AHRR: variants seen among roughly 807,000 people sequenced by gnomAD.
AHRR encodes ahR repressor.
A neutral mutation model predicts 44.0 loss-of-function variants in AHRR; 28 were observed. The ratio of observed to expected loss-of-function variants is 0.64; its 90% CI spans 0.47 to 0.87. AHRR has a LOEUF of 0.87. AHRR is among the 40% of genes least tolerant of loss of function. AHRR has a pLI of 0.00. For missense variants in AHRR, 990 were observed against 953.9 expected, an observed-to-expected ratio of 1.04 and a Z score of -0.50; for synonymous variants, 434 against 407.0, an observed-to-expected ratio of 1.07 and a Z score of -0.80.
Position 435,221 on chromosome 5 carries a change from G to T in AHRR, c.*387G>T. On this transcript the variant is annotated 3_prime_UTR_variant, in exon 11 of 11. Transcript: ENST00000684583. ...GTGATGCTCCCAAGTCCGCAGTCGG[G>T]GATGAAGCGGTCGGGTGATGCTCCC... The T allele has an allele frequency of 4.6e-6, 1 of 215,956 alleles. No individual in the cohort carries two copies. 13.4% of individuals were successfully genotyped at this position (215,956 alleles called of 1,614,324 possible). A position where few individuals can be genotyped will look rare whatever the true frequency, so the allele number is the denominator to read the frequency against.
At chr5:343,563 C>T (rs1187081598) in intron 1 of AHRR, 5 of 353,168 alleles carry the variant, frequency 1.4e-5, no homozygotes, top group Non-Finnish European at 2.6e-5. Context: ...TTCCTGGCTT[C>T]CTCGATGGCT....
In AHRR at chr5:383,477, T is replaced by C. The variant is rs562399959; in HGVS notation, c.351+6761T>C. On this transcript the variant is annotated intron_variant, in intron 4 of 10. Coordinates refer to ENST00000684583, the MANE Select transcript of AHRR (RefSeq NM_001377236.1). This position sits in a 1 kb window ranked among gnomAD's most constrained non-coding sequence, Gnocchi z 4.0. Reference sequence around the variant, plus strand: ...GTTTTCTTCATGAATTGACCCTGTATGTAAAATGCCTCCTTATTCCTGGTA... The same window carrying C: ...GTTTTCTTCATGAATTGACCCTGTACGTAAAATGCCTCCTTATTCCTGGTA... 2.0e-3 allele frequency among the ~76,000 whole-genome samples: 298 copies of C among 152,346 alleles called. 1 individual carries two copies. The highest frequency in any genetic ancestry group is 6.9e-3 in the African/African-American group (288 of 41,578).
intron 1 of AHRR, among the ~76,000 whole-genome samples, chr5:330,068 C>T (rs1741857270): frequency 6.6e-6 from 1 of 152,128 alleles, no homozygotes; most frequent in African/African-American, 2.4e-5. Context: ...ATGCTTTCAA[C>T]TTTTCCTCAT....
intron 4 of AHRR, among the ~76,000 whole-genome samples, chr5:378,962 T>C (rs1437755706): frequency 6.6e-6 from 1 of 152,216 alleles, no homozygotes; most frequent in Admixed American, 6.5e-5. Context: ...CTTTTCGGCA[T>C]TCAGTGGGAT....
chr5:416,438 G>A (rs1262824694), intron 5 of AHRR, among the ~76,000 whole-genome samples: 13 of 152,264 alleles, frequency 8.5e-5, no homozygotes, highest in South Asian at 2.1e-4. Flanking sequence ...GAGTGACATC[G>A]CTCTAGGCGG....
At chr5:339,505 AT>A (rs1207096892) in intron 1 of AHRR, among the ~76,000 whole-genome samples, 1 of 151,886 alleles carries the variant, frequency 6.6e-6, no homozygotes, top group Non-Finnish European at 1.5e-5. Flanking sequence ...TATGACTTTT[AT>A]TTATTTCCCA....
intron 3 of AHRR, among the ~76,000 whole-genome samples, chr5:356,475 G>A (rs531817755): frequency 3.3e-5 from 5 of 151,014 alleles, no homozygotes; most frequent in South Asian, 4.2e-4. Context: ...AAGAGCGCCC[G>A]CGAGTGGAGG....
At position 392,928 on chromosome 5, in the gene AHRR, C is replaced by T. The variant is rs570185140; in HGVS notation, c.351+16212C>T. On this transcript the variant is annotated intron_variant, in intron 4 of 10. Coordinates refer to ENST00000684583, the MANE Select transcript of AHRR (RefSeq NM_001377236.1). ...CGGTGTAGGTGCCTCTTGCAGGTGA[C>T]GGGTCAAGGGATCTCCCCCCACACC... 4.6e-5 allele frequency among the ~76,000 whole-genome samples: 7 copies of T among 152,146 alleles called. No homozygotes were observed. In the South Asian group the frequency reaches 8.3e-4, roughly 18 times the overall value.
Position 370,364 on chromosome 5 carries a change from C to T in AHRR, c.245-6246C>T, listed in dbSNP as rs1466436548. On this transcript the variant is annotated intron_variant, in intron 3 of 10. Coordinates refer to ENST00000684583, the MANE Select transcript of AHRR (RefSeq NM_001377236.1). This position sits in a 1 kb window ranked among gnomAD's most constrained non-coding sequence, Gnocchi z 4.5. ...GTCAGGCAATTCTGGGGCGAGCAGG[C>T]GTCGGGGAAGGGTTGGATGGGCGTC... is the stretch of plus-strand genomic sequence containing the variant. 6.6e-6 allele frequency among the ~76,000 whole-genome samples: 1 copy of T among 152,166 alleles called. No homozygotes were observed. The highest frequency in any genetic ancestry group is 1.9e-4 in the East Asian group (1 of 5,176).
intron 8 of AHRR, among the ~76,000 whole-genome samples, chr5:430,950 C>G (rs1736695400): frequency 1.3e-5 from 2 of 151,892 alleles, no homozygotes; most frequent in South Asian, 4.1e-4. Flanking sequence ...TACATAGGTG[C>G]ACAGAAAAGG....
chr5:337,370 T>G lies in AHRR; in HGVS notation c.-10-6523T>G, dbSNP rs1049993439. Among the ~76,000 whole-genome samples the G allele has an allele frequency of 1.3e-5, 2 of 152,160 alleles. No individual in the cohort carries two copies. Among genetic ancestry groups the G allele is most frequent in the Non-Finnish European group, 2.9e-5 (2 of 68,028 alleles). The stretch of plus-strand genomic sequence containing the variant: ...TAAAAAATCAGCTCTCTGTTTTTCT[T>G]TATGTGTATGTATATACACACACAT... On this transcript the variant is annotated intron_variant, in intron 1 of 10. Transcript: ENST00000684583. The surrounding 1 kb of genome is among the most constrained non-coding windows in gnomAD (Gnocchi z 4.1).
rs537438861 is a variant in AHRR, at chr5:417,816, A to C, written c.441+4383A>C. Among the ~76,000 whole-genome samples, 22 of 152,344 alleles carry C rather than the reference A, an allele frequency of 1.4e-4. 1 individual carries two copies. In the South Asian group the frequency reaches 4.6e-3, roughly 32 times the overall value. ...GCATTGCCTCTAGTTTATGCAAAAT[A>C]TCTCATGAAAAAATTAGAGCAGCTT... On this transcript the variant is annotated intron_variant, in intron 5 of 10. Transcript: ENST00000684583.
At chr5:425,305 C>G (rs925062141) in intron 7 of AHRR, among the ~76,000 whole-genome samples, 2 of 152,206 alleles carry the variant, frequency 1.3e-5, no homozygotes, top group African/African-American at 4.8e-5. Flanking sequence ...TAGCTAGGGA[C>G]AATAAAGTTT....
chr5:337,333 A>C lies in AHRR; in HGVS notation c.-10-6560A>C, dbSNP rs1048884923. ...ATATGTGTTTTAATGTGTATGTCTA[A>C]AACGTGGATTTTAAAAAATCAGCTC... On this transcript the variant is annotated intron_variant, in intron 1 of 10. Transcript: ENST00000684583. The surrounding 1 kb of genome is among the most constrained non-coding windows in gnomAD (Gnocchi z 4.1). 2.6e-5 allele frequency among the ~76,000 whole-genome samples: 4 copies of C among 152,120 alleles called. No individual in the cohort carries two copies. The highest frequency in any genetic ancestry group is 7.2e-5 in the African/African-American group (3 of 41,412).
At chr5:381,215 C>G (rs1267706382) in intron 4 of AHRR, among the ~76,000 whole-genome samples, 1 of 152,244 alleles carries the variant, frequency 6.6e-6, no homozygotes, top group Non-Finnish European at 1.5e-5. Flanking sequence ...TGCCAATCTC[C>G]TCTGGAAACA....
intron 4 of AHRR, among the ~76,000 whole-genome samples, chr5:400,680 G>A (rs1457588284): frequency 6.6e-6 from 1 of 152,146 alleles, no homozygotes; most frequent in Non-Finnish European, 1.5e-5. Context: ...TGACAATGCT[G>A]GACCAGAAGT....
At chr5:378,252 T>G (rs1733826972) in intron 4 of AHRR, among the ~76,000 whole-genome samples, 1 of 151,922 alleles carries the variant, frequency 6.6e-6, no homozygotes, top group African/African-American at 2.4e-5. Flanking sequence ...CACAATAAAC[T>G]GAAAAAAAGG....
intron 7 of AHRR, among the ~76,000 whole-genome samples, chr5:424,218 G>A (rs1222936131): frequency 6.9e-6 from 1 of 144,222 alleles, no homozygotes; most frequent in Non-Finnish European, 1.6e-5. Flanking sequence ...ATGGTGTGGG[G>A]GTGTTAACCC....
chr5:427,736 T>C (rs1736509493), intron 7 of AHRR, 71 bp from the exon 8 acceptor site: 1 of 1,613,004 alleles, frequency 6.2e-7, no homozygotes, highest in South Asian at 1.1e-5. Flanking sequence ...CGCCCTTGAG[T>C]TCTGTGTCCT....
Sources: gnomAD v4.1 joint callset for allele counts (sites outside exome capture counted in the v4.1 genomes callset) on GRCh38, gnomAD v4.1.1 for gene constraint, Gnocchi (gnomAD v3.1) non-coding constraint, MANE v1.5 for transcripts, NCBI Gene and HGNC (gene_info 2026-07-23, HGNC 2026-07-21) for gene names.